MYLK3: variants seen among roughly 807,000 people sequenced by gnomAD.
MYLK3 encodes myosin light chain kinase 3.
Under a neutral mutation model 76.3 loss-of-function variants are expected in MYLK3, and 55 were observed. The ratio of observed to expected loss-of-function variants is 0.72; its 90% CI spans 0.58 to 0.90. MYLK3 has a LOEUF of 0.90. Ranked by LOEUF, MYLK3 falls within the 40% of genes least tolerant of loss-of-function variation. MYLK3 has a pLI of 0.00. For missense variants in MYLK3, 973 were observed against 1,053.6 expected, an observed-to-expected ratio of 0.92 and a Z score of 1.06; for synonymous variants, 416 against 425.4, an observed-to-expected ratio of 0.98 and a Z score of 0.27.
intron 11 of MYLK3, 84 bp downstream of exon 11, chr16:46,710,551 GAC>G: frequency 6.9e-7 from 1 of 1,451,278 alleles, no homozygotes. Context: ...CAGGAAGAAG[GAC>G]CTTCACGGTC....
In MYLK3 at chr16:46,732,531, C is replaced by T. The variant is rs145982918; in HGVS notation, c.1139G>A (p.Arg380His). ...PGKQGPPGTG[R>H]CLQAPGTEPG... Reference sequence around the variant, plus strand: ...CTCAGTCCCAGGGGCTTGGAGGCAGCGCCCGGTCCCAGGTGGGCCCTGCTT... The same window carrying T: ...CTCAGTCCCAGGGGCTTGGAGGCAGTGCCCGGTCCCAGGTGGGCCCTGCTT... The change falls in exon 4 of 13, where the codon CGC becomes CAC. Residue 380 changes from arginine (R) to histidine (H), a missense_variant. Physicochemically the swap from Arg to His is conservative, Grantham distance 29. This residue lies in a region of MYLK3 where 641 missense variants were observed against 637.0 expected (regional missense o/e 1.01). Transcript: ENST00000394809. The T allele has an allele frequency of 2.7e-4, 440 of 1,603,114 alleles. No homozygotes were observed. Among genetic ancestry groups the T allele is most frequent in the Non-Finnish European group, 3.4e-4 (404 of 1,179,708 alleles).
At chr16:46,737,628 A>C in intron 3 of MYLK3, 83 bp downstream of exon 3, 1 of 1,321,872 alleles carries the variant, frequency 7.6e-7, no homozygotes, top group Non-Finnish European at 1.0e-6. Context: ...ACATGTATGC[A>C]GTGGATGCTG....
At chr16:46,749,180 A>T (rs184225066), upstream of MYLK3, among the ~76,000 whole-genome samples, 2 of 152,372 alleles carry the variant, frequency 1.3e-5, no homozygotes, top group Admixed American at 1.3e-4. Flanking sequence ...AGACACAAGC[A>T]GAGATGCTAA....
chr16:46,724,126 C>A (rs544906548), intron 8 of MYLK3, among the ~76,000 whole-genome samples: 1 of 152,174 alleles, frequency 6.6e-6, no homozygotes, highest in South Asian at 2.1e-4. Flanking sequence ...CTATTCAAAT[C>A]CTTTGACCAT....
upstream of MYLK3, among the ~76,000 whole-genome samples, chr16:46,751,179 G>A (rs993950054): frequency 6.6e-6 from 1 of 152,078 alleles, no homozygotes; most frequent in Non-Finnish European, 1.5e-5. Context: ...GGGAGGCCAA[G>A]GCAGGCGAAT....
At chr16:46,758,592 C>T (rs1967236758) in intron 1 of MYLK3, among the ~76,000 whole-genome samples, 1 of 152,180 alleles carries the variant, frequency 6.6e-6, no homozygotes, top group African/African-American at 2.4e-5. Flanking sequence ...GTTCCAACAC[C>T]ATGCTCATCA....
At position 46,729,095 on chromosome 16, in the gene MYLK3, G is replaced by T. The variant is rs1179215023; in HGVS notation, c.1701C>A (p.Leu567=). The T allele has an allele frequency of 6.2e-7, 1 of 1,614,174 alleles. No homozygotes were observed. Residue 567 remains leucine, a synonymous_variant, in exon 7 of 13, where the codon CTC becomes CTA. Coordinates refer to ENST00000394809, the MANE Select transcript of MYLK3 (RefSeq NM_182493.3). ...VKNEINIMNQ[L]SHVNLIQLYD... The stretch of plus-strand genomic sequence containing the variant: ...AGAGCTGGATCAGGTTCACGTGGCT[G>T]AGCTGGTTCATGATGTTGATCTCGT...
chr16:46,712,764 T>A lies in MYLK3; in HGVS notation c.1998A>T (p.Arg666=), dbSNP rs56091351. 29 of 1,598,354 alleles carry A rather than the reference T, an allele frequency of 1.8e-5. No homozygotes were observed. The highest frequency in any genetic ancestry group is 2.4e-5 in the Non-Finnish European group (28 of 1,172,448). The part of the protein sequence containing the change: ...DFGLARRYKP[R]EKLKVNFGTP... ...TGCCGAAGTTCACCTTCAGCTTCTCTCGAGGCTTGTACCTGGGGAGAAGGG... is the reference window on the plus strand; with the variant it reads ...TGCCGAAGTTCACCTTCAGCTTCTCACGAGGCTTGTACCTGGGGAGAAGGG... Residue 666 remains arginine (R), a synonymous_variant, in exon 10 of 13, where the codon CGA becomes CGT. Coordinates refer to ENST00000394809, the MANE Select transcript of MYLK3 (RefSeq NM_182493.3).
chr16:46,758,335 CTCTCTCTCA>C (rs1967231991), intron 1 of MYLK3, among the ~76,000 whole-genome samples: 1 of 137,214 alleles, frequency 7.3e-6, no homozygotes, highest in African/African-American at 2.9e-5. Context: ...CTCTCTCTCT[CTCTCTCTCA>C]ACTTTGGGAC....
chr16:46,757,739 G>A (rs570959031), intron 1 of MYLK3, among the ~76,000 whole-genome samples: 1 of 152,324 alleles, frequency 6.6e-6, no homozygotes, highest in African/African-American at 2.4e-5. Context: ...GGCTCTATCT[G>A]CCTCCCCGGG....
chr16:46,747,150 C>A (rs547017813), intron 1 of MYLK3, among the ~76,000 whole-genome samples: 14 of 152,342 alleles, frequency 9.2e-5, no homozygotes, highest in African/African-American at 3.1e-4. Context: ...GATTATGCAA[C>A]TCTTAGGAAC....
chr16:46,719,144 T>C (rs1966774269), intron 9 of MYLK3, among the ~76,000 whole-genome samples: 1 of 151,912 alleles, frequency 6.6e-6, no homozygotes, highest in Non-Finnish European at 1.5e-5. Context: ...CTGGCCAACA[T>C]GGTGAAACCC....
chr16:46,731,119 G>A (rs1966851714), intron 4 of MYLK3, among the ~76,000 whole-genome samples: 1 of 152,142 alleles, frequency 6.6e-6, no homozygotes, highest in Non-Finnish European at 1.5e-5. Context: ...TGAGAGGGAG[G>A]CAGCTGGAGA....
Position 46,732,410 on chromosome 16 carries a change from A to G in MYLK3, c.1260T>C (p.Ala420=). The G allele has an allele frequency of 6.2e-7, 1 of 1,613,554 alleles. No individual in the cohort carries two copies. Among genetic ancestry groups the G allele is most frequent in the Non-Finnish European group, 8.5e-7 (1 of 1,180,012 alleles). The change falls in exon 4 of 13, where the codon GCT becomes GCC. Residue 420 remains alanine (A), a synonymous_variant. Transcript: ENST00000394809. ...TTGGTCTCGTGCCAGGCTCGGCCCC[A>G]GCCCTTTGCTCCTCCTCTGCCTTCA... ...GGVKAEEEQR[A]GAEPGTRPSL... is the part of the protein sequence containing the mutation.
At chr16:46,716,535 A>G (rs914597799) in intron 9 of MYLK3, among the ~76,000 whole-genome samples, 58 of 134,314 alleles carry the variant, frequency 4.3e-4, no homozygotes, top group African/African-American at 1.5e-3. Context: ...GTGTGTGTGT[A>G]TGTTTATTCC....
At chr16:46,757,052 G>A (rs760381545) in intron 1 of MYLK3, among the ~76,000 whole-genome samples, 4 of 152,080 alleles carry the variant, frequency 2.6e-5, no homozygotes, top group Admixed American at 6.5e-5. Flanking sequence ...CCACCTCCCC[G>A]CCCGCACCAC....
rs1411173791 is a variant in MYLK3 at position 46,724,745 on chromosome 16, C to T, written c.1914+2491G>A. ...TTGGGAAAAGTTAGTCCTCCAAATT[C>T]GTTCTTTTTCAAGATTGTTTTTGTT... On this transcript the variant is annotated intron_variant, in intron 8 of 12. Transcript: ENST00000394809. Among the ~76,000 whole-genome samples, 3 of 152,292 alleles carry T rather than the reference C, an allele frequency of 2.0e-5. No homozygotes were observed. The East Asian group carries it at 5.8e-4, about 29-fold the overall frequency.
chr16:46,712,089 C>T (rs1379377194), intron 10 of MYLK3, among the ~76,000 whole-genome samples: 1 of 150,716 alleles, frequency 6.6e-6, no homozygotes, highest in Non-Finnish European at 1.5e-5. Context: ...TTCCCAGGCT[C>T]AAGCAATCCT....
chr16:46,748,292 C>A lies in MYLK3; in HGVS notation c.-99G>T. The A allele has an allele frequency of 6.8e-7, 1 of 1,464,826 alleles. No individual in the cohort carries two copies. Among genetic ancestry groups the A allele is most frequent in the South Asian group, 1.4e-5 (1 of 71,118 alleles). The allele number at this position is 1,464,826 out of a possible 1,614,324, so 90.7% of individuals were successfully genotyped here. A position where few individuals can be genotyped will look rare whatever the true frequency, so the allele number is the denominator to read the frequency against. On this transcript the variant is annotated 5_prime_UTR_variant, in exon 1 of 13. Transcript: ENST00000394809. This position sits in a 1 kb window ranked among gnomAD's most constrained non-coding sequence, Gnocchi z 4.3. ...TGGTGTCTGCAAGGTCATTGTCCTC[C>A]GTAGCTGACAGACTCCTGGCAGCAC... is the stretch of plus-strand genomic sequence containing the variant.
Sources: gnomAD v4.1 joint callset for allele counts (sites outside exome capture counted in the v4.1 genomes callset) on GRCh38, gnomAD v4.1.1 for gene constraint, gnomAD v4.1.1 regional missense constraint, Gnocchi (gnomAD v3.1) non-coding constraint, MANE v1.5 for transcripts, NCBI Gene and HGNC (gene_info 2026-07-23, HGNC 2026-07-21) for gene names.